ZCCHC10: variants seen among roughly 807,000 people sequenced by gnomAD.
ZCCHC10 encodes zinc finger CCHC domain-containing protein 10.
ZCCHC10 carries 16 observed loss-of-function variants against 19.5 expected under a neutral mutation model. The ratio of observed to expected loss-of-function variants is 0.82; its 90% CI spans 0.56 to 1.25. The LOEUF is 1.25. Ranked by LOEUF, ZCCHC10 falls within the 50% of genes most tolerant of loss-of-function variation. The probability of loss-of-function intolerance (pLI) is 0.00; values close to 1 mark genes in which losing one functional copy is unlikely to be tolerated. For synonymous variants in ZCCHC10, 67 were observed against 72.5 expected (o/e 0.92, Z 0.38); for missense variants, 197 against 201.0 (o/e 0.98, Z 0.12).
At position 133,022,937 on chromosome 5, in the gene ZCCHC10, G is replaced by GT. The variant is rs1351624819; in HGVS notation, c.42-32dup. 8 of 529,124 alleles carry GT rather than the reference G, an allele frequency of 1.5e-5. No homozygotes were observed. The Admixed American group carries it at 2.5e-4, about 17-fold the overall frequency. The allele number at this position is 529,124 out of a possible 1,614,324, so 32.8% of individuals were successfully genotyped here. On this transcript the variant is annotated intron_variant, in intron 1 of 4. Transcript: ENST00000509437. Reference sequence around the variant, plus strand: ...AAGATGAAATTTAACAAGGACAAAGGTAAGTCTGACACTTAAGTCCAGAAA... The same window carrying GT: ...AAGATGAAATTTAACAAGGACAAAGGTTAAGTCTGACACTTAAGTCCAGAAA...
At chr5:133,021,342 AT>A (rs1427624542) in intron 2 of ZCCHC10, among the ~76,000 whole-genome samples, 1 of 152,180 alleles carries the variant, frequency 6.6e-6, no homozygotes, top group African/African-American at 2.4e-5. Context: ...TGAAACTAAA[AT>A]TTTTAAAAAA....
intron 3 of ZCCHC10, chr5:133,003,457 TAA>T (rs1162655004): frequency 1.4e-5 from 3 of 216,160 alleles, no homozygotes; most frequent in African/African-American, 2.3e-5. Context: ...ATTTCTCCTC[TAA>T]ATGCATGAAA....
intron 2 of ZCCHC10, chr5:133,018,970 T>C (rs1020138460): frequency 1.0e-5 from 4 of 393,694 alleles, no homozygotes; most frequent in Non-Finnish European, 2.0e-5. Context: ...AGCTTATAGG[T>C]TGTTTTCTCC....
intron 2 of ZCCHC10, among the ~76,000 whole-genome samples, chr5:133,012,658 T>C (rs1763633085): frequency 6.6e-6 from 1 of 152,054 alleles, no homozygotes; most frequent in Non-Finnish European, 1.5e-5. Context: ...CTCATGCCTA[T>C]AATCCCAGCA....
At chr5:133,003,079 T>C in intron 3 of ZCCHC10, 1 of 271,410 alleles carries the variant, frequency 3.7e-6, no homozygotes, top group Non-Finnish European at 7.3e-6. Flanking sequence ...GTGGCTAGGC[T>C]GGTTGTCTCC....
At chr5:133,003,444 A>G in intron 3 of ZCCHC10, 1 of 225,436 alleles carries the variant, frequency 4.4e-6, no homozygotes, top group South Asian at 5.8e-5. Flanking sequence ...CTTAACAGGA[A>G]ATATTTCTCC....
intron 1 of ZCCHC10, 43 bp downstream of exon 1, chr5:133,026,454 C>A: frequency 1.2e-6 from 2 of 1,609,392 alleles, no homozygotes; most frequent in Middle Eastern, 1.7e-4. Context: ...CGCGTTTCCC[C>A]GCTCCCAGCC....
intron 1 of ZCCHC10, among the ~76,000 whole-genome samples, chr5:133,025,508 A>C (rs1320925151): frequency 1.5e-5 from 2 of 137,490 alleles, no homozygotes; most frequent in African/African-American, 6.3e-5. Flanking sequence ...CGCCTCAAAA[A>C]AAAAAAAAAA....
intron 3 of ZCCHC10, among the ~76,000 whole-genome samples, chr5:133,001,186 G>A (rs1295882336): frequency 1.3e-5 from 2 of 151,374 alleles, no homozygotes; most frequent in African/African-American, 4.8e-5. Flanking sequence ...TCAGGAGTTC[G>A]AGACCAGCCT....
At chr5:133,003,036 G>C (rs1053585427) in intron 3 of ZCCHC10, 1 of 194,858 alleles carries the variant, frequency 5.1e-6, no homozygotes, top group Non-Finnish European at 1.1e-5. Flanking sequence ...TAAGAAACAG[G>C]GTCTTGGCAG....
At chr5:133,024,828 G>A (rs1197643497) in intron 1 of ZCCHC10, among the ~76,000 whole-genome samples, 1 of 152,030 alleles carries the variant, frequency 6.6e-6, no homozygotes, top group Non-Finnish European at 1.5e-5. Flanking sequence ...ATTTGAACCA[G>A]GGAGGCAGAG....
intron 2 of ZCCHC10, among the ~76,000 whole-genome samples, chr5:133,019,643 T>C (rs1041419708): frequency 9.9e-5 from 15 of 152,136 alleles, no homozygotes; most frequent in Admixed American, 2.0e-4. Flanking sequence ...CTTGTTAATA[T>C]GCAACAAAAA....
At chr5:133,015,005 T>C (rs1355851573) in intron 2 of ZCCHC10, among the ~76,000 whole-genome samples, 1 of 152,138 alleles carries the variant, frequency 6.6e-6, no homozygotes, top group African/African-American at 2.4e-5. Context: ...AGATTTCAAT[T>C]TGTTTTATTA....
chr5:133,023,216 TGAA>T (rs1434033753), intron 1 of ZCCHC10, among the ~76,000 whole-genome samples: 4 of 152,140 alleles, frequency 2.6e-5, no homozygotes, highest in South Asian at 2.1e-4. Flanking sequence ...CTCTGGATGT[TGAA>T]GAAGGAGTAG....
At chr5:133,021,282 G>A (rs1764295048) in intron 2 of ZCCHC10, among the ~76,000 whole-genome samples, 1 of 152,288 alleles carries the variant, frequency 6.6e-6, no homozygotes, top group East Asian at 1.9e-4. Context: ...GCCCACCTCA[G>A]CCTCCCAAAG....
chr5:133,000,885 C>T (rs1762726803), intron 3 of ZCCHC10, among the ~76,000 whole-genome samples: 1 of 151,626 alleles, frequency 6.6e-6, no homozygotes, highest in African/African-American at 2.4e-5. Context: ...TCATGATCCG[C>T]CCACCTTGGC....
intron 2 of ZCCHC10, among the ~76,000 whole-genome samples, chr5:133,013,885 T>C (rs1392062903): frequency 1.3e-5 from 2 of 152,132 alleles, no homozygotes; most frequent in African/African-American, 4.8e-5. Flanking sequence ...TTGTATGCAA[T>C]AGAAATCTAT....
chr5:132,999,349 G>A (rs908836776), intron 4 of ZCCHC10, among the ~76,000 whole-genome samples: 2 of 152,286 alleles, frequency 1.3e-5, no homozygotes, highest in African/African-American at 4.8e-5. Flanking sequence ...ACAAGGCATT[G>A]TTACTTCAGC....
At chr5:133,013,002 G>C (rs1763660078) in intron 2 of ZCCHC10, among the ~76,000 whole-genome samples, 1 of 149,636 alleles carries the variant, frequency 6.7e-6, no homozygotes, top group South Asian at 2.1e-4. Flanking sequence ...AGTGAGCCCA[G>C]ATAGCGCCAC....
Sources: gnomAD v4.1 joint callset for allele counts (sites outside exome capture counted in the v4.1 genomes callset) on GRCh38, gnomAD v4.1.1 for gene constraint, MANE v1.5 for transcripts, NCBI Gene and HGNC (gene_info 2026-07-23, HGNC 2026-07-21) for gene names.